The following MIIP variants were observed in gnomAD, a reference collection of about 807,000 sequenced individuals.
MIIP encodes migration and invasion-inhibitory protein.
In MIIP, 44 loss-of-function variants were observed where a neutral mutation model predicts 44.8. That is an observed-to-expected ratio of 0.98 (90% CI 0.77 to 1.26). MIIP has a LOEUF of 1.26. MIIP is among the 50% of genes most tolerant of loss of function. The pLI is 0.00. For missense variants in MIIP, 496 were observed against 511.7 expected (o/e 0.97, Z 0.30); for synonymous variants, 225 against 218.3 (o/e 1.03, Z -0.27).
intron 6 of MIIP, 59 bp from the exon 7 acceptor site, chr1:12,029,706 A>G: frequency 1.3e-6 from 2 of 1,581,696 alleles, no homozygotes; most frequent in South Asian, 2.3e-5. Flanking sequence ...GGCAGCACGG[A>G]GCCTGGGGAC....
rs1021504898 is a variant in MIIP, at chr1:12,021,959, G to T, written c.114+119G>T. ...TTTTACTGATGATGGGACATTGAGG[G>T]CTGGGGAGGGAAGAGACTGGCCTTG... is the stretch of plus-strand genomic sequence containing the variant. On this transcript the variant is annotated intron_variant, in intron 2 of 9. Coordinates refer to ENST00000235332, the MANE Select transcript of MIIP (RefSeq NM_021933.4). 1.4e-5 allele frequency: 17 copies of T among 1,244,050 alleles called. No individual in the cohort carries two copies. In the Admixed American group the frequency reaches 2.3e-4, roughly 17 times the overall value. 77.1% of individuals were successfully genotyped at this position (1,244,050 alleles called of 1,614,324 possible).
At position 12,022,089 on chromosome 1, in the gene MIIP, C is replaced by T. The variant is rs1455224899; in HGVS notation, c.115-6C>T. 1.9e-6 allele frequency: 3 copies of T among 1,611,890 alleles called. No homozygotes were observed. The highest frequency in any genetic ancestry group is 2.5e-6 in the Non-Finnish European group (3 of 1,178,862). ...ACTCCCTGGGTGACCCGGCCCCTCT[C>T]TCCAGTCAAGCCTGGAATCCAGCAG... is the stretch of plus-strand genomic sequence containing the variant. On this transcript the variant is annotated splice_polypyrimidine_tract_variant and splice_region_variant and intron_variant, in intron 2 of 9. Coordinates refer to ENST00000235332, the MANE Select transcript of MIIP (RefSeq NM_021933.4).
chr1:12,022,309 G>A lies in MIIP; in HGVS notation c.329G>A (p.Arg110Lys), dbSNP rs1639997796. 1 of 1,613,672 alleles carries A rather than the reference G, an allele frequency of 6.2e-7. No individual in the cohort carries two copies. Among genetic ancestry groups the A allele is most frequent in the Non-Finnish European group, 8.5e-7 (1 of 1,179,992 alleles). The change falls in exon 3 of 10, where the codon AGA (arginine) becomes AAA (lysine). Residue 110 changes from arginine (R) to lysine (K), a missense_variant. Coordinates refer to ENST00000235332, the MANE Select transcript of MIIP (RefSeq NM_021933.4). The part of the protein sequence containing the change: ...CQHQESLGRP[R>K]PHSAPSLGTS... ...CACCAGGAGTCCCTGGGCCGACCGA[G>A]ACCCCACTCAGCACCCTCGCTGGGC...
In MIIP at chr1:12,031,717, T is replaced by A. The variant is rs780565286; in HGVS notation, c.1081-5T>A. 1.9e-6 allele frequency: 3 copies of A among 1,613,978 alleles called. No individual in the cohort carries two copies. The highest frequency in any genetic ancestry group is 3.3e-5 in the Admixed American group (2 of 60,002). Reference sequence around the variant, plus strand: ...CCCCCTGAGACTTCCCTATTCCCCATCCAGGCCTCACCAATGCAGATGCTG... The same window carrying A: ...CCCCCTGAGACTTCCCTATTCCCCAACCAGGCCTCACCAATGCAGATGCTG... On this transcript the variant is annotated splice_polypyrimidine_tract_variant and splice_region_variant and intron_variant, in intron 9 of 9. Coordinates refer to ENST00000235332, the MANE Select transcript of MIIP (RefSeq NM_021933.4).
At chr1:12,027,370 T>C (rs1005586396) in intron 4 of MIIP, among the ~76,000 whole-genome samples, 1 of 152,194 alleles carries the variant, frequency 6.6e-6, no homozygotes, top group African/African-American at 2.4e-5. Flanking sequence ...TGGCCCTCAG[T>C]TGGGTCATCA....
At chr1:12,025,028 C>CTTTTTTTTTTTTTTTTTTTTTTT (rs147513513) in intron 4 of MIIP, among the ~76,000 whole-genome samples, 76 of 123,832 alleles carry the variant, frequency 6.1e-4, no homozygotes, top group East Asian at 1.1e-3. Flanking sequence ...AATTCCCTTC[C>CTTTTTTTTTTTTTTTTTTTTTTT]TTTTTTTTTT....
intron 1 of MIIP, among the ~76,000 whole-genome samples, chr1:12,020,402 A>G (rs923726673): frequency 2.0e-5 from 3 of 152,200 alleles, no homozygotes; most frequent in Admixed American, 2.0e-4. Flanking sequence ...AAAAGGAAGC[A>G]TGCCCTTGCC....
In MIIP at chr1:12,030,039, C is replaced by T. The variant is rs764406652; in HGVS notation, c.857C>T (p.Pro286Leu). ...AQPAHVRVSI[P>L]LSILEPPHRY... Reference sequence around the variant, plus strand: ...GCCCCCCTGCGCAGGGTGAGCATCCCGCTGTCGATCCTGGAGCCCCCGCAC... The same window carrying T: ...GCCCCCCTGCGCAGGGTGAGCATCCTGCTGTCGATCCTGGAGCCCCCGCAC... Residue 286 changes from proline to leucine, a missense_variant, in exon 8 of 10, where the codon CCG becomes CTG. Transcript: ENST00000235332. 22 of 1,613,366 alleles carry T rather than the reference C, an allele frequency of 1.4e-5. No individual in the cohort carries two copies. The highest frequency in any genetic ancestry group is 1.7e-4 in the Middle Eastern group (1 of 6,028).
At chr1:12,024,621 C>T (rs893609681) in intron 4 of MIIP, among the ~76,000 whole-genome samples, 1 of 152,184 alleles carries the variant, frequency 6.6e-6, no homozygotes, top group African/African-American at 2.4e-5. Context: ...ACCATGTTGG[C>T]CAGGCTGGTC....
At chr1:12,028,606 G>A (rs537179630) in intron 4 of MIIP, 7 of 171,742 alleles carry the variant, frequency 4.1e-5, no homozygotes, top group Admixed American at 1.7e-4. Flanking sequence ...ATGGCTGCCC[G>A]GCCATACTAG....
At chr1:12,024,012 A>G (rs1640048327) in intron 4 of MIIP, 1 of 152,220 alleles carries the variant, frequency 6.6e-6, no homozygotes, top group African/African-American at 2.4e-5. Context: ...AAGCAAGCAA[A>G]AAAAACCAGA....
intron 9 of MIIP, 39 bp downstream of exon 9, chr1:12,031,442 A>G: frequency 5.6e-6 from 9 of 1,596,484 alleles, no homozygotes; most frequent in Non-Finnish European, 6.8e-6. Context: ...GGTGCCCCCT[A>G]GAGGGACAGA....
In MIIP at chr1:12,021,722, C is replaced by T. The variant is rs368720246; in HGVS notation, c.-5C>T. ...GCAAGTGACACCTGCTGAGAGAGGC[C>T]CAGGATGGTGGAGGCTGAGGAACTG... On this transcript the variant is annotated 5_prime_UTR_variant, in exon 2 of 10. Transcript: ENST00000235332. The T allele has an allele frequency of 4.3e-5, 70 of 1,612,120 alleles. No homozygotes were observed. Among genetic ancestry groups the T allele is most frequent in the Middle Eastern group, 1.9e-4 (1 of 5,354 alleles).
Position 12,029,801 on chromosome 1 carries a change from C to T in MIIP, c.752C>T (p.Pro251Leu), listed in dbSNP as rs142095617. ...TACCGTGTCAACCGGCGCCTGTTCC[C>T]GGTGCCTGTGGATCCCGGTACCCCC... ...YCYRVNRRLF[P>L]VPVDPGTPCR... The change falls in exon 7 of 10, where the codon CCG becomes CTG. Residue 251 changes from proline to leucine, a missense_variant. Coordinates refer to ENST00000235332, the MANE Select transcript of MIIP (RefSeq NM_021933.4). The T allele has an allele frequency of 2.4e-5, 39 of 1,613,094 alleles. No homozygotes were observed. The highest frequency in any genetic ancestry group is 1.6e-4 in the Middle Eastern group (1 of 6,074).
chr1:12,021,536 A>G, intron 1 of MIIP, 109 bp from the exon 2 acceptor site: 1 of 586,040 alleles, frequency 1.7e-6, no homozygotes, highest in East Asian at 2.9e-5. Flanking sequence ...TGAGGCACAG[A>G]GAAGTTAAAT....
At chr1:12,031,219 G>C (rs753036860) in intron 8 of MIIP, 47 bp from the exon 9 acceptor site, 4 of 1,585,864 alleles carry the variant, frequency 2.5e-6, no homozygotes, top group South Asian at 1.1e-5. Flanking sequence ...CCAGTCAGCG[G>C]GGAGCTTGTC....
intron 8 of MIIP, among the ~76,000 whole-genome samples, chr1:12,030,933 A>G (rs1640228101): frequency 1.3e-5 from 2 of 152,146 alleles, no homozygotes; most frequent in South Asian, 4.1e-4. Context: ...TGGACATAAC[A>G]GCGCCATCCT....
rs1190734857 is a variant in MIIP at position 12,030,072 on chromosome 1, A to C, written c.890A>C (p.His297Pro). Residue 297 changes from histidine to proline, a missense_variant, in exon 8 of 10, where the codon CAC becomes CCC. Coordinates refer to ENST00000235332, the MANE Select transcript of MIIP (RefSeq NM_021933.4). Reference protein sequence around the residue: ...LSILEPPHRYHIHRRKSFDAS... With the variant: ...LSILEPPHRYPIHRRKSFDAS... ...ATCCTGGAGCCCCCGCACCGGTACCACATCCACCGGCGAAAGAGCTTTGAC... is the reference window on the plus strand; with the variant it reads ...ATCCTGGAGCCCCCGCACCGGTACCCCATCCACCGGCGAAAGAGCTTTGAC... 2 of 1,613,438 alleles carry C rather than the reference A, an allele frequency of 1.2e-6. No individual in the cohort carries two copies. Among genetic ancestry groups the C allele is most frequent in the African/African-American group, 2.7e-5 (2 of 75,026 alleles).
At chr1:12,019,583 G>C (rs1300869790) in intron 1 of MIIP, 31 bp downstream of exon 1, 2 of 152,592 alleles carry the variant, frequency 1.3e-5, no homozygotes, top group Non-Finnish European at 1.5e-5. Flanking sequence ...CTGGGGTGGG[G>C]CGGAAGGGCT....
Sources: allele counts gnomAD v4.1 joint callset (sites outside exome capture counted in the v4.1 genomes callset), GRCh38; gene constraint gnomAD v4.1.1; transcripts MANE v1.5; gene names NCBI Gene and HGNC (gene_info 2026-07-23, HGNC 2026-07-21).